SIRPA: variants seen among roughly 807,000 people sequenced by gnomAD.
SIRPA encodes signal regulatory protein alpha.
Under a neutral mutation model 50.3 loss-of-function variants are expected in SIRPA, and 9 were observed. The observed-to-expected ratio is 0.18, with a 90% CI of 0.11 to 0.31. The LOEUF is 0.31. Among genes scored for constraint, SIRPA ranks in the 10% least tolerant of loss-of-function variants. SIRPA has a pLI of 1.00. For missense variants in SIRPA, 474 were observed against 661.6 expected (o/e 0.72, Z 3.11); for synonymous variants, 265 against 284.1 (o/e 0.93, Z 0.68).
upstream of SIRPA, chr20:1,895,250 C>T: frequency 2.3e-6 from 1 of 432,600 alleles, no homozygotes; most frequent in Non-Finnish European, 4.0e-6. Flanking sequence ...CTCCATTTCT[C>T]CTGGGGGGCG....
At chr20:1,901,321 C>G (rs1158548359) in intron 1 of SIRPA, among the ~76,000 whole-genome samples, 1 of 151,980 alleles carries the variant, frequency 6.6e-6, no homozygotes, top group Non-Finnish European at 1.5e-5. Flanking sequence ...CAGGCGCACA[C>G]CGTCACGCCC....
At chr20:1,895,059 C>T (rs1369785353), upstream of SIRPA, among the ~76,000 whole-genome samples, 10 of 150,676 alleles carry the variant, frequency 6.6e-5, no homozygotes, top group East Asian at 1.8e-3. Flanking sequence ...CGCGGTCTGT[C>T]GGTCTGCGCG....
At chr20:1,905,306 C>T (rs1001262001) in intron 1 of SIRPA, among the ~76,000 whole-genome samples, 3 of 152,164 alleles carry the variant, frequency 2.0e-5, no homozygotes, top group African/African-American at 7.2e-5. Context: ...TGGAGGGGAC[C>T]TGTCACAGGG....
chr20:1,895,346 G>A (rs1983721928), upstream of SIRPA: 2 of 687,512 alleles, frequency 2.9e-6, no homozygotes, highest in Middle Eastern at 4.6e-4. Context: ...CCAGCCGGGA[G>A]GGGGGAAGGG....
chr20:1,909,851 A>G (rs1984783529), intron 1 of SIRPA, among the ~76,000 whole-genome samples: 1 of 152,248 alleles, frequency 6.6e-6, no homozygotes, highest in African/African-American at 2.4e-5. Context: ...TTTTAATCTC[A>G]AAAGCCACAC....
chr20:1,916,785 A>G lies in SIRPA; in HGVS notation c.436+1330A>G, dbSNP rs977141786. 2.0e-5 allele frequency among the ~76,000 whole-genome samples: 3 copies of G among 152,224 alleles called. No individual in the cohort carries two copies. In the East Asian group the frequency reaches 5.8e-4, roughly 29 times the overall value. ...AACTATTAAAACAGTCCTGCAGTGG[A>G]TGACCTTATACATGTGTGACCTTAC... is the stretch of plus-strand genomic sequence containing the variant. On this transcript the variant is annotated intron_variant, in intron 2 of 7. Transcript: ENST00000358771.
chr20:1,909,044 A>G (rs1984724176), intron 1 of SIRPA, among the ~76,000 whole-genome samples: 2 of 152,236 alleles, frequency 1.3e-5, no homozygotes, highest in African/African-American at 4.8e-5. Flanking sequence ...AGGAGCTGCT[A>G]TAAGTGCGGG....
chr20:1,902,486 T>C (rs1364250562), intron 1 of SIRPA, among the ~76,000 whole-genome samples: 1 of 152,380 alleles, frequency 6.6e-6, no homozygotes, highest in South Asian at 2.1e-4. Flanking sequence ...CAAATATTTT[T>C]GAGCACCTAC....
chr20:1,904,357 C>T (rs534338568), intron 1 of SIRPA, among the ~76,000 whole-genome samples: 1 of 152,236 alleles, frequency 6.6e-6, no homozygotes, highest in Non-Finnish European at 1.5e-5. Flanking sequence ...ATTAGTGCTG[C>T]ACTCTTGGCT....
At position 1,934,534 on chromosome 20, in the gene SIRPA, T is replaced by C. The variant is rs895658012; in HGVS notation, c.1227-181T>C. Among the ~76,000 whole-genome samples the C allele has an allele frequency of 1.3e-5, 2 of 152,244 alleles. No homozygotes were observed. The highest frequency in any genetic ancestry group is 3.8e-4 in the East Asian group (2 of 5,202). On this transcript the variant is annotated intron_variant, in intron 6 of 7. Transcript: ENST00000358771. This position sits in a 1 kb window ranked among gnomAD's most constrained non-coding sequence, Gnocchi z 4.6. ...ATGATAGTGCATTGCTTAGAATTCC[T>C]TTTTAGTGAGATTGACCCCTTTGTC...
chr20:1,895,638 C>A, intron 1 of SIRPA, 112 bp downstream of exon 1: 1 of 790,406 alleles, frequency 1.3e-6, no homozygotes, highest in Non-Finnish European at 1.8e-6. Flanking sequence ...GGGGGAGAGA[C>A]GCCTGTAACC....
chr20:1,897,099 G>A (rs943040274), intron 1 of SIRPA, among the ~76,000 whole-genome samples: 6 of 152,196 alleles, frequency 3.9e-5, no homozygotes, highest in Non-Finnish European at 7.3e-5. Context: ...GAGCAGTGAC[G>A]CTGATTAGCA....
rs1474778449 is a variant in SIRPA, at chr20:1,936,179, C to G, written c.1267-1141C>G. ...TGTGCCGGTTGGTGGTAGCTTTATT[C>G]TGTTCTATCACGCAGGGGCCAGTCA... On this transcript the variant is annotated intron_variant, in intron 7 of 7. Transcript: ENST00000358771. The surrounding 1 kb of genome is among the most constrained non-coding windows in gnomAD (Gnocchi z 4.2). Among the ~76,000 whole-genome samples, 5 of 152,072 alleles carry G rather than the reference C, an allele frequency of 3.3e-5. No individual in the cohort carries two copies. Among genetic ancestry groups the G allele is most frequent in the Non-Finnish European group, 5.9e-5 (4 of 68,020 alleles).
Position 1,922,300 on chromosome 20 carries a change from T to G in SIRPA, c.755-13T>G. ...TGCCACAAGGTCAGAGCTTCTGCCC[T>G]GTGCTGTTTCAGTTCCACCCACCTT... On this transcript the variant is annotated splice_polypyrimidine_tract_variant and intron_variant, in intron 3 of 7. Transcript: ENST00000358771. 6.2e-7 allele frequency: 1 copy of G among 1,613,630 alleles called. No individual in the cohort carries two copies. The highest frequency in any genetic ancestry group is 8.5e-7 in the Non-Finnish European group (1 of 1,179,636).
At chr20:1,914,092 T>A (rs1424029701) in intron 1 of SIRPA, among the ~76,000 whole-genome samples, 1 of 152,230 alleles carries the variant, frequency 6.6e-6, no homozygotes, top group Non-Finnish European at 1.5e-5. Flanking sequence ...GAGTGAAGTT[T>A]GAGCCACAGC....
chr20:1,931,348 C>G (rs1986287619), intron 6 of SIRPA, among the ~76,000 whole-genome samples: 1 of 152,200 alleles, frequency 6.6e-6, no homozygotes, highest in South Asian at 2.1e-4. Flanking sequence ...TCCCGAGGTC[C>G]TGCGGCTAGG....
At chr20:1,906,492 A>G (rs1190615129) in intron 1 of SIRPA, among the ~76,000 whole-genome samples, 1 of 152,156 alleles carries the variant, frequency 6.6e-6, no homozygotes, top group Non-Finnish European at 1.5e-5. Flanking sequence ...GGCCTGAAGG[A>G]GAGGAGCGAG....
intron 1 of SIRPA, among the ~76,000 whole-genome samples, chr20:1,905,581 TCCC>T (rs1984497573): frequency 6.6e-6 from 1 of 152,160 alleles, no homozygotes; most frequent in Non-Finnish European, 1.5e-5. Context: ...TGGGAGGACC[TCCC>T]AACCTCAGCC....
Position 1,927,335 on chromosome 20 carries a change from T to C in SIRPA, c.1202-540T>C, listed in dbSNP as rs1451459019. Among the ~76,000 whole-genome samples, 2 of 152,138 alleles carry C rather than the reference T, an allele frequency of 1.3e-5. No homozygotes were observed. The highest frequency in any genetic ancestry group is 3.8e-4 in the East Asian group (2 of 5,196). On this transcript the variant is annotated intron_variant, in intron 5 of 7. Transcript: ENST00000358771. This position sits in a 1 kb window ranked among gnomAD's most constrained non-coding sequence, Gnocchi z 6.5. ...GACACTTTCTTTCCTTCCAAGATCC[T>C]TTTTTTGGAAAGTGGTGGCATGTAA...
Sources: gnomAD v4.1 joint callset for allele counts (sites outside exome capture counted in the v4.1 genomes callset) on GRCh38, gnomAD v4.1.1 for gene constraint, Gnocchi (gnomAD v3.1) non-coding constraint, MANE v1.5 for transcripts, NCBI Gene and HGNC (gene_info 2026-07-23, HGNC 2026-07-21) for gene names.